MCTP1: variants seen among roughly 807,000 people sequenced by gnomAD.
MCTP1 encodes the protein multiple C2 and transmembrane domain-containing protein 1.
MCTP1 carries 69 observed loss-of-function variants against 120.6 expected under a neutral mutation model. That is an observed-to-expected ratio of 0.57 (90% CI 0.47 to 0.70). The LOEUF (loss-of-function observed/expected upper bound fraction) is 0.70. MCTP1 is among the 30% of genes least tolerant of loss of function. MCTP1 has a pLI of 0.00. For synonymous variants in MCTP1, 529 were observed against 493.1 expected (o/e 1.07, Z -0.96); for missense variants, 1,203 against 1,248.8 (o/e 0.96, Z 0.55).
At chr5:94,758,385 G>T (rs942650081) in intron 19 of MCTP1, among the ~76,000 whole-genome samples, 4 of 152,182 alleles carry the variant, frequency 2.6e-5, no homozygotes, top group Non-Finnish European at 5.9e-5. Context: ...GTTCAAGGCT[G>T]CAGTGAGCTA....
chr5:94,873,251 AT>A lies in MCTP1; in HGVS notation c.1934-11del. Reference sequence around the variant, plus strand: ...AATGGGTCACTTTTTCCTACAAGAGATTTTTGGTAAATATTTTTAGTGTACA... The same window carrying A: ...AATGGGTCACTTTTTCCTACAAGAGATTTTGGTAAATATTTTTAGTGTACA... On this transcript the variant is annotated splice_polypyrimidine_tract_variant and intron_variant, in intron 12 of 22. Transcript: ENST00000515393. The A allele has an allele frequency of 6.6e-7, 1 of 1,520,428 alleles. No homozygotes were observed. Among genetic ancestry groups the A allele is most frequent in the Non-Finnish European group, 9.1e-7 (1 of 1,095,766 alleles). 94.2% of individuals were successfully genotyped at this position (1,520,428 alleles called of 1,614,324 possible). A position where few individuals can be genotyped will look rare whatever the true frequency, so the allele number is the denominator to read the frequency against.
In MCTP1 at chr5:95,128,545, T is replaced by G. The variant is rs564930452; in HGVS notation, c.721-111061A>C. On this transcript the variant is annotated intron_variant, in intron 1 of 22. Coordinates refer to ENST00000515393, the MANE Select transcript of MCTP1 (RefSeq NM_024717.7). ...ACATGGATGAACCTTAAAAATATAA[T>G]GCTAAGTGAAAGAAGCCAGTCACAA... 9.2e-5 allele frequency among the ~76,000 whole-genome samples: 14 copies of G among 152,282 alleles called. No individual in the cohort carries two copies. The East Asian group carries it at 2.7e-3, about 29-fold the overall frequency.
intron 1 of MCTP1, among the ~76,000 whole-genome samples, chr5:95,055,634 C>A (rs940719997): frequency 1.3e-4 from 20 of 152,170 alleles, no homozygotes; most frequent in African/African-American, 4.6e-4. Context: ...GTCTATTAAG[C>A]TTTTGCATGC....
chr5:94,952,171 CAAAAAAAA>C (rs57358026), intron 3 of MCTP1, among the ~76,000 whole-genome samples: 85 of 87,870 alleles, frequency 9.7e-4, no homozygotes, highest in Middle Eastern at 6.6e-3. Context: ...GACTTTGTCG[CAAAAAAAA>C]AAAAAAAAAA....
intron 2 of MCTP1, among the ~76,000 whole-genome samples, chr5:95,012,812 A>G (rs981510165): frequency 6.6e-6 from 1 of 152,126 alleles, no homozygotes; most frequent in African/African-American, 2.4e-5. Flanking sequence ...TACCTGAGAC[A>G]CAACATTACC....
intron 1 of MCTP1, among the ~76,000 whole-genome samples, chr5:95,238,194 G>C (rs914956597): frequency 2.0e-5 from 3 of 152,114 alleles, no homozygotes; most frequent in African/African-American, 7.2e-5. Flanking sequence ...CAGTTCTTAG[G>C]CCAGCCTCTC....
chr5:95,137,804 T>C lies in MCTP1; in HGVS notation c.721-120320A>G, dbSNP rs528649189. 4.6e-5 allele frequency among the ~76,000 whole-genome samples: 7 copies of C among 152,338 alleles called. No homozygotes were observed. In the South Asian group the frequency reaches 1.5e-3, roughly 32 times the overall value. On this transcript the variant is annotated intron_variant, in intron 1 of 22. Transcript: ENST00000515393. ...TGAATTAATAATTCTGCTTTTTTAA[T>C]GTCTGCTCAATCACCAAAAAAGGCT...
chr5:94,898,012 T>A (rs1262688591), intron 10 of MCTP1, among the ~76,000 whole-genome samples: 1 of 152,118 alleles, frequency 6.6e-6, no homozygotes, highest in African/African-American at 2.4e-5. Context: ...TAAGAAAAAT[T>A]TATAAATTGA....
chr5:95,278,505 T>TAAAC (rs971191440), intron 1 of MCTP1, among the ~76,000 whole-genome samples: 4 of 152,260 alleles, frequency 2.6e-5, no homozygotes, highest in East Asian at 1.9e-4. Flanking sequence ...TCGTTCACAT[T>TAAAC]AAACAAACAA....
At chr5:94,879,653 T>C (rs1481243680) in intron 12 of MCTP1, among the ~76,000 whole-genome samples, 10 of 152,158 alleles carry the variant, frequency 6.6e-5, no homozygotes, top group Non-Finnish European at 2.9e-5. Context: ...ATCCATGACC[T>C]GTTAACATTG....
intron 12 of MCTP1, among the ~76,000 whole-genome samples, chr5:94,874,467 ATT>A (rs1211341507): frequency 6.6e-6 from 1 of 152,092 alleles, no homozygotes; most frequent in Non-Finnish European, 1.5e-5. Flanking sequence ...TAAAAAAGAG[ATT>A]TAATATGTGT....
chr5:95,183,126 C>A (rs1218473224), intron 1 of MCTP1, among the ~76,000 whole-genome samples: 8 of 151,740 alleles, frequency 5.3e-5, no homozygotes, highest in Admixed American at 5.3e-4. Flanking sequence ...GAATAGAGTC[C>A]AGAAATAGAT....
intron 2 of MCTP1, among the ~76,000 whole-genome samples, chr5:94,967,304 C>T (rs1328442319): frequency 6.6e-6 from 1 of 152,194 alleles, no homozygotes; most frequent in Non-Finnish European, 1.5e-5. Flanking sequence ...ACTTAGATCA[C>T]TATAGCTAAC....
chr5:95,281,135 T>C (rs1398776862), intron 1 of MCTP1, among the ~76,000 whole-genome samples: 1 of 152,250 alleles, frequency 6.6e-6, no homozygotes, highest in East Asian at 1.9e-4. Context: ...ATTGTGTTTC[T>C]TTCTTGAGTA....
At chr5:94,985,868 G>T (rs1447868242) in intron 2 of MCTP1, among the ~76,000 whole-genome samples, 1 of 152,182 alleles carries the variant, frequency 6.6e-6, no homozygotes, top group African/African-American at 2.4e-5. Context: ...TGGCTTGTCT[G>T]TATAATCTGA....
chr5:94,968,839 T>C (rs980748956), intron 2 of MCTP1, among the ~76,000 whole-genome samples: 1 of 152,216 alleles, frequency 6.6e-6, no homozygotes, highest in African/African-American at 2.4e-5. Context: ...ATTACTTTCA[T>C]TGACATACTT....
chr5:94,764,729 T>A (rs1772151375), intron 19 of MCTP1, among the ~76,000 whole-genome samples: 1 of 131,684 alleles, frequency 7.6e-6, no homozygotes, highest in African/African-American at 2.9e-5. Flanking sequence ...CCAAGACACA[T>A]AAAACAAATA....
rs77019454 is a variant in MCTP1 at position 94,909,386 on chromosome 5, A to G, written c.1522-5T>C. On this transcript the variant is annotated splice_polypyrimidine_tract_variant and splice_region_variant and intron_variant, in intron 9 of 22. Coordinates refer to ENST00000515393, the MANE Select transcript of MCTP1 (RefSeq NM_024717.7). ...ATTCAACGTTTTTGGCATAATCTGG[A>G]AAAAAAAATCATAATTGTCATATTG... 6 of 1,530,774 alleles carry G rather than the reference A, an allele frequency of 3.9e-6. No homozygotes were observed. The highest frequency in any genetic ancestry group is 4.4e-6 in the Non-Finnish European group (5 of 1,147,962). The allele number at this position is 1,530,774 out of a possible 1,614,324, so 94.8% of individuals were successfully genotyped here.
intron 2 of MCTP1, among the ~76,000 whole-genome samples, chr5:94,977,511 CA>C (rs1012413508): frequency 1.5e-4 from 22 of 151,098 alleles, no homozygotes; most frequent in Admixed American, 5.3e-4. Flanking sequence ...CCCGAATAGT[CA>C]AAAAAAATCT....
Sources: gnomAD v4.1 joint callset for allele counts (sites outside exome capture counted in the v4.1 genomes callset) on GRCh38, gnomAD v4.1.1 for gene constraint, MANE v1.5 for transcripts, NCBI Gene and HGNC (gene_info 2026-07-23, HGNC 2026-07-21) for gene names.